DARS1: variants seen among roughly 807,000 people sequenced by gnomAD.
The protein encoded by DARS1 is aspartate--tRNA ligase, cytoplasmic.
Under a neutral mutation model 68.8 loss-of-function variants are expected in DARS1, and 51 were observed. The observed-to-expected ratio is 0.74, with a 90% CI of 0.59 to 0.94. DARS1 has a LOEUF of 0.94. DARS1 is among the 40% of genes least tolerant of loss of function. The pLI is 0.00. For missense variants in DARS1, 607 were observed against 597.3 expected (o/e 1.02, Z -0.17); for synonymous variants, 203 against 190.4 (o/e 1.07, Z -0.55).
intron 11 of DARS1, chr2:135,914,825 G>A (rs900655171): frequency 3.2e-5 from 7 of 217,788 alleles, no homozygotes; most frequent in Non-Finnish European, 4.6e-5. Context: ...ATAAAAGTTC[G>A]CTATACTAAT....
chr2:135,923,722 C>T (rs1054576594), intron 8 of DARS1, among the ~76,000 whole-genome samples: 1 of 152,124 alleles, frequency 6.6e-6, no homozygotes, highest in African/African-American at 2.4e-5. Context: ...GATTCTCATA[C>T]AAGAATAAGA....
Position 135,985,550 on chromosome 2 carries a change from C to A in DARS1, c.-82G>T, listed in dbSNP as rs1457290212. 2 of 1,603,872 alleles carry A rather than the reference C, an allele frequency of 1.2e-6. No homozygotes were observed. The highest frequency in any genetic ancestry group is 1.1e-5 in the South Asian group (1 of 89,396). On this transcript the variant is annotated 5_prime_UTR_variant, in exon 1 of 16. Transcript: ENST00000264161. ...GGCCAAAGGGGCTTCTCCCTCCCTC[C>A]CAGTCTCCGCCCTCCCGACCCTGGG...
At chr2:135,937,263 A>G (rs1158722956) in intron 5 of DARS1, among the ~76,000 whole-genome samples, 1 of 151,940 alleles carries the variant, frequency 6.6e-6, no homozygotes, top group African/African-American at 2.4e-5. Context: ...TAATTTTTGT[A>G]TTTTTAGTAG....
chr2:135,922,749 T>G, intron 9 of DARS1, 35 bp downstream of exon 9: 1 of 1,503,352 alleles, frequency 6.7e-7, no homozygotes. Context: ...GTATAATTAA[T>G]TAACTTGGAT....
chr2:135,952,659 T>A (rs1317120032), intron 4 of DARS1, among the ~76,000 whole-genome samples: 1 of 152,160 alleles, frequency 6.6e-6, no homozygotes, highest in Non-Finnish European at 1.5e-5. Flanking sequence ...CTTATTCCAC[T>A]CAACATAATG....
chr2:135,932,297 A>C (rs1681369305), intron 7 of DARS1, among the ~76,000 whole-genome samples: 1 of 152,196 alleles, frequency 6.6e-6, no homozygotes, highest in Non-Finnish European at 1.5e-5. Context: ...CCAGAAAGGG[A>C]AACAGAAGAC....
At chr2:135,962,950 A>G (rs568342308) in intron 3 of DARS1, among the ~76,000 whole-genome samples, 1 of 152,332 alleles carries the variant, frequency 6.6e-6, no homozygotes, top group East Asian at 1.9e-4. Flanking sequence ...GCTAAGCCAT[A>G]ATGTAGTCAG....
chr2:135,984,978 T>C (rs1294047949), intron 1 of DARS1, among the ~76,000 whole-genome samples: 1 of 152,246 alleles, frequency 6.6e-6, no homozygotes, highest in East Asian at 1.9e-4. Flanking sequence ...CAGATGGTTT[T>C]GCTAAGTACT....
intron 4 of DARS1, among the ~76,000 whole-genome samples, chr2:135,960,468 A>G (rs1191198721): frequency 2.0e-5 from 3 of 152,212 alleles, no homozygotes; most frequent in Non-Finnish European, 2.9e-5. Flanking sequence ...TCTAAAATTC[A>G]TAATTCCATC....
intron 4 of DARS1, among the ~76,000 whole-genome samples, chr2:135,952,802 T>C (rs309119): frequency 0.22 from 34,015 of 152,214 alleles, 4,409 homozygotes; most frequent in Middle Eastern, 0.41. Flanking sequence ...ATCCATATCT[T>C]GGCTATGGTG....
At chr2:135,920,306 A>G (rs1381700581) in intron 10 of DARS1, 147 bp downstream of exon 10, 6 of 1,290,978 alleles carry the variant, frequency 4.6e-6, no homozygotes, top group South Asian at 1.7e-5. Context: ...GATTTTTCCA[A>G]CCAATTAAAT....
intron 7 of DARS1, among the ~76,000 whole-genome samples, chr2:135,928,450 T>G (rs978724863): frequency 6.6e-6 from 1 of 152,124 alleles, no homozygotes; most frequent in African/African-American, 2.4e-5. Context: ...TGGAGTGCAG[T>G]GGTGTGATTT....
intron 7 of DARS1, among the ~76,000 whole-genome samples, chr2:135,929,299 CCCCGAGT>C (rs1681292016): frequency 6.6e-6 from 1 of 152,294 alleles, no homozygotes; most frequent in Admixed American, 6.5e-5. Flanking sequence ...CTCATGGCAG[CCCCGAGT>C]CCCCAATTTT....
rs1260275624 is a variant in DARS1, at chr2:135,906,090, TAAG to T, written c.*1223_*1225del. ...TCTGGTAGGATATGAAAGAAAAAAA[TAAG>T]AACTGAATCTAAACTTTCAAAGACT... On this transcript the variant is annotated 3_prime_UTR_variant, in exon 16 of 16. Transcript: ENST00000264161. Among the ~76,000 whole-genome samples the T allele has an allele frequency of 2.0e-5, 3 of 152,242 alleles. No individual in the cohort carries two copies. The highest frequency in any genetic ancestry group is 6.5e-5 in the Admixed American group (1 of 15,300).
rs376728890 is a variant in DARS1, at chr2:135,971,339, C to T, written c.217+7935G>A. On this transcript the variant is annotated intron_variant, in intron 3 of 15. Coordinates refer to ENST00000264161, the MANE Select transcript of DARS1 (RefSeq NM_001349.4). ...GTATCAACAGGATGAAGGACAAAAGCGATATGATCATTTCCAACTGATGCT... is the reference window on the plus strand; with the variant it reads ...GTATCAACAGGATGAAGGACAAAAGTGATATGATCATTTCCAACTGATGCT... Among the ~76,000 whole-genome samples, 29 of 152,104 alleles carry T rather than the reference C, an allele frequency of 1.9e-4. No homozygotes were observed. In the South Asian group the frequency reaches 5.2e-3, roughly 27 times the overall value.
chr2:135,924,612 T>C, intron 7 of DARS1, 114 bp from the exon 8 acceptor site: 1 of 1,425,468 alleles, frequency 7.0e-7, no homozygotes. Flanking sequence ...ATTTTTAAAT[T>C]CTAATAATTG....
intron 4 of DARS1, among the ~76,000 whole-genome samples, chr2:135,961,172 T>C (rs1358828878): frequency 1.3e-5 from 2 of 152,216 alleles, no homozygotes; most frequent in Non-Finnish European, 2.9e-5. Context: ...GACTTGTCTG[T>C]AGAGAGTGCT....
chr2:135,980,917 C>A (rs764163156), intron 2 of DARS1, among the ~76,000 whole-genome samples: 7 of 152,088 alleles, frequency 4.6e-5, no homozygotes, highest in Non-Finnish European at 1.0e-4. Context: ...TTTAATACAC[C>A]CGAACATACC....
intron 4 of DARS1, among the ~76,000 whole-genome samples, chr2:135,948,419 A>G (rs1282079390): frequency 1.3e-5 from 2 of 152,132 alleles, no homozygotes. Context: ...CCCTCTCCCA[A>G]AATTAAGCTT....
Sources: gnomAD v4.1 joint callset for allele counts (sites outside exome capture counted in the v4.1 genomes callset) on GRCh38, gnomAD v4.1.1 for gene constraint, MANE v1.5 for transcripts, NCBI Gene and HGNC (gene_info 2026-07-23, HGNC 2026-07-21) for gene names.